The following DIAPH2 variants were observed in gnomAD, a reference collection of about 807,000 sequenced individuals.
DIAPH2 encodes protein diaphanous homolog 2.
Under a neutral mutation model 92.7 loss-of-function variants are expected in DIAPH2, and 35 were observed. The ratio of observed to expected loss-of-function variants is 0.38; its 90% CI spans 0.29 to 0.50. The LOEUF is 0.50. Ranked by LOEUF, DIAPH2 falls within the 20% of genes least tolerant of loss-of-function variation. The pLI is 0.94. For synonymous variants in DIAPH2, 301 were observed against 280.4 expected (o/e 1.07, Z -0.73); for missense variants, 701 against 819.5 (o/e 0.86, Z 1.77).
chrX:97,103,149 G>T (rs1384132686), intron 20 of DIAPH2, among the ~76,000 whole-genome samples: 3 of 111,613 alleles, frequency 2.7e-5, no homozygotes, highest in African/African-American at 9.8e-5. Context: ...TTTGGGCATT[G>T]TTATGCACTG....
In DIAPH2 at chrX:96,765,193, GTTTTTT is replaced by G. The variant is rs142407154; in HGVS notation, c.447+6952_447+6957del. On this transcript the variant is annotated intron_variant, in intron 4 of 26. Transcript: ENST00000324765. Reference sequence around the variant, plus strand: ...TGAGAGAGAGAGACCATATTCACATGTTTTTTTTTTTTTTTTTTTTTTGAGAAAGGG... The same window carrying G: ...TGAGAGAGAGAGACCATATTCACATGTTTTTTTTTTTTTTTTGAGAAAGGG... 4.8e-3 allele frequency among the ~76,000 whole-genome samples: 399 copies of G among 83,202 alleles called. 4 individuals carry two copies. The East Asian group carries it at 0.067, about 14-fold the overall frequency. 72.3% of individuals were successfully genotyped at this position (83,202 alleles called of 115,157 possible).
intron 18 of DIAPH2, among the ~76,000 whole-genome samples, chrX:97,074,360 C>T (rs1206073942): frequency 3.6e-5 from 4 of 111,029 alleles, no homozygotes; most frequent in African/African-American, 1.3e-4. Flanking sequence ...GAGCCGAGAT[C>T]GCACCATTGC....
intron 5 of DIAPH2, among the ~76,000 whole-genome samples, chrX:96,905,563 T>C (rs1232107441): frequency 1.8e-5 from 2 of 111,681 alleles, no homozygotes; most frequent in Non-Finnish European, 3.8e-5. Flanking sequence ...TCTGATACCT[T>C]CATTAAATGT....
chrX:97,065,758 G>C (rs746681963), intron 17 of DIAPH2, among the ~76,000 whole-genome samples: 1 of 111,109 alleles, frequency 9.0e-6, no homozygotes, highest in Non-Finnish European at 1.9e-5. Context: ...CATAGGAGGT[G>C]ACAGCTCCAT....
chrX:97,455,530 A>T (rs2070396256), intron 26 of DIAPH2, among the ~76,000 whole-genome samples: 1 of 112,409 alleles, frequency 8.9e-6, no homozygotes. Context: ...AAATCAAATC[A>T]TAAATTATTC....
chrX:97,366,795 A>T (rs1165902349), intron 24 of DIAPH2, among the ~76,000 whole-genome samples: 1 of 111,972 alleles, frequency 8.9e-6, no homozygotes, highest in Non-Finnish European at 1.9e-5. Flanking sequence ...CTATACTTTT[A>T]AAAAGTGTAA....
At chrX:97,413,064 C>T (rs1363551596) in intron 25 of DIAPH2, among the ~76,000 whole-genome samples, 20 of 111,975 alleles carry the variant, frequency 1.8e-4, no homozygotes, top group Non-Finnish European at 3.2e-4. Flanking sequence ...ATGAGGCCAG[C>T]ATCATCCTGA....
intron 26 of DIAPH2, chrX:97,431,749 G>T: frequency 8.8e-6 from 1 of 113,787 alleles, no homozygotes; most frequent in Non-Finnish European, 1.9e-5. Context: ...GCAGTGGTTG[G>T]GAAGCACCTT....
intron 23 of DIAPH2, among the ~76,000 whole-genome samples, chrX:97,286,217 T>G (rs753235992): frequency 9.4e-6 from 1 of 106,323 alleles, no homozygotes; most frequent in South Asian, 4.3e-4. Flanking sequence ...CCCAGTTAAT[T>G]TTTGTATTTT....
At chrX:97,248,100 G>A in intron 23 of DIAPH2, among the ~76,000 whole-genome samples, 1 of 111,936 alleles carries the variant, frequency 8.9e-6, no homozygotes, top group Admixed American at 9.5e-5. Flanking sequence ...TGCAAGGTAA[G>A]TCTTAAGAGG....
At chrX:96,892,407 G>A (rs942195558) in intron 5 of DIAPH2, among the ~76,000 whole-genome samples, 7 of 111,720 alleles carry the variant, frequency 6.3e-5, no homozygotes, top group Admixed American at 4.8e-4. Flanking sequence ...AATAGCACTA[G>A]TATATTTATA....
At chrX:97,410,666 A>G (rs1234386682) in intron 25 of DIAPH2, among the ~76,000 whole-genome samples, 1 of 111,913 alleles carries the variant, frequency 8.9e-6, no homozygotes, top group African/African-American at 3.3e-5. Flanking sequence ...AAATGTTGGA[A>G]GAAGATTAGA....
intron 19 of DIAPH2, among the ~76,000 whole-genome samples, chrX:97,093,034 A>C (rs778748219): frequency 1.1e-5 from 1 of 88,590 alleles, no homozygotes; most frequent in South Asian, 7.3e-4. Flanking sequence ...AGAGTTTTTT[A>C]AAAATCAGCC....
At chrX:97,450,100 C>T (rs776424304) in intron 26 of DIAPH2, among the ~76,000 whole-genome samples, 1 of 110,511 alleles carries the variant, frequency 9.0e-6, no homozygotes, top group African/African-American at 3.3e-5. Context: ...GACTTTTATG[C>T]GATTCTTCAA....
At chrX:97,139,217 A>G (rs1466644878) in intron 21 of DIAPH2, among the ~76,000 whole-genome samples, 2 of 109,852 alleles carry the variant, frequency 1.8e-5, no homozygotes, top group Non-Finnish European at 3.8e-5. Context: ...AGAGAGATAC[A>G]ATGGCTAATG....
At chrX:97,091,929 G>A (rs2066828702) in intron 19 of DIAPH2, among the ~76,000 whole-genome samples, 1 of 111,842 alleles carries the variant, frequency 8.9e-6, no homozygotes, top group Admixed American at 9.5e-5. Context: ...GAAGTTTCCA[G>A]CAGAGAAGCC....
chrX:96,699,979 C>A, intron 1 of DIAPH2, among the ~76,000 whole-genome samples: 1 of 111,831 alleles, frequency 8.9e-6, no homozygotes, highest in East Asian at 2.8e-4. Flanking sequence ...ATGCTGGTGA[C>A]TTTTAACTCA....
intron 22 of DIAPH2, among the ~76,000 whole-genome samples, chrX:97,157,947 T>C (rs1348125528): frequency 8.9e-6 from 1 of 112,280 alleles, no homozygotes; most frequent in Non-Finnish European, 1.9e-5. Flanking sequence ...GTTCAAATAT[T>C]TTGTAAAATA....
intron 23 of DIAPH2, among the ~76,000 whole-genome samples, chrX:97,329,743 C>A (rs923785926): frequency 9.0e-6 from 1 of 110,619 alleles, no homozygotes; most frequent in Non-Finnish European, 1.9e-5. Flanking sequence ...TAGTTAATAC[C>A]TCTAATTCCA....
Sources: gnomAD v4.1 joint callset for allele counts (sites outside exome capture counted in the v4.1 genomes callset) on GRCh38, gnomAD v4.1.1 for gene constraint, MANE v1.5 for transcripts, NCBI Gene and HGNC (gene_info 2026-07-23, HGNC 2026-07-21) for gene names.